KLHL32: variants seen among roughly 807,000 people sequenced by gnomAD.
KLHL32 encodes kelch like family member 32.
KLHL32 carries 35 observed loss-of-function variants against 64.8 expected under a neutral mutation model. That is an observed-to-expected ratio of 0.54 (90% confidence interval 0.41 to 0.72). KLHL32 has a LOEUF of 0.72. Among genes scored for constraint, KLHL32 ranks in the 30% least tolerant of loss-of-function variants. The pLI is 0.00. For synonymous variants in KLHL32, 259 were observed against 281.0 expected (o/e 0.92, Z 0.78); for missense variants, 589 against 768.5 (o/e 0.77, Z 2.76).
At chr6:96,988,402 A>C (rs1402928572) in intron 3 of KLHL32, among the ~76,000 whole-genome samples, 3 of 152,164 alleles carry the variant, frequency 2.0e-5, no homozygotes, top group African/African-American at 7.2e-5. Context: ...AACCACAGTG[A>C]GATACCATCT....
intron 5 of KLHL32, among the ~76,000 whole-genome samples, chr6:97,068,804 T>G (rs1211578878): frequency 6.6e-6 from 1 of 152,084 alleles, no homozygotes; most frequent in Non-Finnish European, 1.5e-5. Flanking sequence ...TACATCGTAT[T>G]AAACCAGGGG....
At chr6:96,984,982 A>T (rs1162502590) in intron 3 of KLHL32, among the ~76,000 whole-genome samples, 2 of 150,834 alleles carry the variant, frequency 1.3e-5, no homozygotes, top group African/African-American at 4.9e-5. Flanking sequence ...GGTCTTTACA[A>T]TTTGGCATGT....
At chr6:97,036,965 C>G (rs1784391203) in intron 3 of KLHL32, among the ~76,000 whole-genome samples, 1 of 152,182 alleles carries the variant, frequency 6.6e-6, no homozygotes, top group Admixed American at 6.5e-5. Flanking sequence ...TGGCACTAAG[C>G]TGTACTATGT....
chr6:96,898,708 A>C, the KLHL32 span, among the ~76,000 whole-genome samples: 1 of 152,066 alleles, frequency 6.6e-6, no homozygotes, highest in South Asian at 2.1e-4. Context: ...AAAAAAACAA[A>C]CAAACAAAAA....
chr6:97,053,241 A>G (rs1787238350), intron 4 of KLHL32, among the ~76,000 whole-genome samples: 1 of 152,208 alleles, frequency 6.6e-6, no homozygotes, highest in Non-Finnish European at 1.5e-5. Flanking sequence ...ATAAGTAACT[A>G]GACTGAATAA....
At chr6:96,936,987 C>T (rs1382578177) in intron 1 of KLHL32, among the ~76,000 whole-genome samples, 1 of 152,076 alleles carries the variant, frequency 6.6e-6, no homozygotes, top group African/African-American at 2.4e-5. Context: ...AACCTGCCCA[C>T]CACCCCAACC....
Position 97,056,096 on chromosome 6 carries a change from C to CTTTT in KLHL32, c.313-8526_313-8523dup, listed in dbSNP as rs1193971196. ...GCCAGCCTCCCTTTTCTTTTTTTTTCTTTTTTTTTCTTTTTTTTTTTTTTT... is the reference window on the plus strand; with the variant it reads ...GCCAGCCTCCCTTTTCTTTTTTTTTCTTTTTTTTTTTTTCTTTTTTTTTTTTTTT... On this transcript the variant is annotated intron_variant, in intron 4 of 10. Coordinates refer to ENST00000369261, the MANE Select transcript of KLHL32 (RefSeq NM_052904.4). Among the ~76,000 whole-genome samples the CTTTT allele has an allele frequency of 9.0e-4, 112 of 123,762 alleles. 4 individuals carry two copies. Among genetic ancestry groups the CTTTT allele is most frequent in the East Asian group, 2.4e-3 (10 of 4,216 alleles). The allele number at this position is 123,762 out of a possible 152,430, so 81.2% of individuals were successfully genotyped here.
intron 3 of KLHL32, among the ~76,000 whole-genome samples, chr6:96,995,319 A>G (rs571561759): frequency 6.6e-6 from 1 of 152,332 alleles, no homozygotes; most frequent in South Asian, 2.1e-4. Context: ...ATGGGTCAGA[A>G]TAACTTTTTA....
the KLHL32 span, among the ~76,000 whole-genome samples, chr6:96,905,456 G>C: frequency 6.6e-6 from 1 of 152,088 alleles, no homozygotes; most frequent in South Asian, 2.1e-4. Context: ...TAGCAGCCAT[G>C]GTGTAACATA....
rs112408037 is a variant in KLHL32, at chr6:96,962,052, G to T, written c.-65-4944G>T. On this transcript the variant is annotated intron_variant, in intron 1 of 10. Transcript: ENST00000369261. ...TTTTTCGGTCATATAACTTGCCAGT[G>T]GCAGTTTTAAGATCAACTAGAAGTA... Among the ~76,000 whole-genome samples the T allele has an allele frequency of 1.1e-3, 173 of 152,242 alleles. 1 individual carries two copies. The highest frequency in any genetic ancestry group is 4.0e-3 in the African/African-American group (167 of 41,532).
At chr6:97,031,814 A>C (rs1196206830) in intron 3 of KLHL32, among the ~76,000 whole-genome samples, 1 of 152,160 alleles carries the variant, frequency 6.6e-6, no homozygotes, top group African/African-American at 2.4e-5. Context: ...TGTCATTTGG[A>C]AACTATTTGA....
intron 5 of KLHL32, among the ~76,000 whole-genome samples, chr6:97,065,714 A>G (rs777019910): frequency 1.4e-4 from 22 of 152,194 alleles, no homozygotes; most frequent in Non-Finnish European, 2.8e-4. Flanking sequence ...TTCCTGCCCA[A>G]TTACTTTATT....
At chr6:97,056,295 C>T (rs573517996) in intron 4 of KLHL32, among the ~76,000 whole-genome samples, 5 of 151,892 alleles carry the variant, frequency 3.3e-5, no homozygotes, top group Admixed American at 1.3e-4. Flanking sequence ...TTAGTAGAGT[C>T]GGGGTTTCAC....
chr6:97,040,027 TTAAA>T (rs71784283), intron 3 of KLHL32, among the ~76,000 whole-genome samples: 26,078 of 151,780 alleles, frequency 0.17, 2,577 homozygotes, highest in African/African-American at 0.29. Flanking sequence ...TTGATAAAAT[TTAAA>T]TAAATAAATA....
At chr6:97,106,532 C>T (rs1046591876) in intron 6 of KLHL32, among the ~76,000 whole-genome samples, 24 of 151,986 alleles carry the variant, frequency 1.6e-4, no homozygotes, top group African/African-American at 4.6e-4. Flanking sequence ...CATTTGAGGT[C>T]GGTAGTTTGA....
intron 3 of KLHL32, among the ~76,000 whole-genome samples, chr6:97,026,767 T>A (rs1782772627): frequency 6.6e-6 from 1 of 152,162 alleles, no homozygotes; most frequent in Non-Finnish European, 1.5e-5. Context: ...TTAAGAGCGA[T>A]CATTAGTTTA....
chr6:97,040,528 T>TG (rs1784958997), intron 3 of KLHL32, among the ~76,000 whole-genome samples: 2 of 152,292 alleles, frequency 1.3e-5, no homozygotes, highest in African/African-American at 4.8e-5. Context: ...TGCTGGGCCC[T>TG]GCTTGGAGTA....
chr6:97,028,394 C>A (rs1478806730), intron 3 of KLHL32, among the ~76,000 whole-genome samples: 1 of 152,176 alleles, frequency 6.6e-6, no homozygotes, highest in African/African-American at 2.4e-5. Context: ...TTGAAAACCA[C>A]ACAGGAGTCT....
At chr6:97,117,527 A>C (rs970412569) in intron 7 of KLHL32, among the ~76,000 whole-genome samples, 4 of 152,194 alleles carry the variant, frequency 2.6e-5, no homozygotes, top group African/African-American at 9.7e-5. Flanking sequence ...AGTTTTTAAA[A>C]GTATGACAAG....
Sources: allele counts gnomAD v4.1 joint callset (sites outside exome capture counted in the v4.1 genomes callset), GRCh38; gene constraint gnomAD v4.1.1; transcripts MANE v1.5; gene names NCBI Gene and HGNC (gene_info 2026-07-23, HGNC 2026-07-21).